SYMPK: variants seen among roughly 807,000 people sequenced by gnomAD.
The protein encoded by SYMPK is symplekin.
A neutral mutation model predicts 136.4 loss-of-function variants in SYMPK; 49 were observed. The ratio of observed to expected loss-of-function variants is 0.36; its 90% CI spans 0.29 to 0.46. The LOEUF (loss-of-function observed/expected upper bound fraction) is 0.46, where lower values mean the gene tolerates loss of function less well. Ranked by LOEUF, SYMPK falls within the 20% of genes least tolerant of loss-of-function variation. The probability of loss-of-function intolerance (pLI) is 1.00; values close to 1 mark genes in which losing one functional copy is unlikely to be tolerated. For missense variants in SYMPK, 1,365 were observed against 1,690.0 expected (o/e 0.81, Z 3.37); for synonymous variants, 766 against 713.0 (o/e 1.07, Z -1.19).
At chr19:45,827,646 C>T (rs749634692) in intron 15 of SYMPK, 23 bp from the exon 16 acceptor site, 36 of 1,601,444 alleles carry the variant, frequency 2.2e-5, no homozygotes, top group African/African-American at 9.4e-5. Context: ...GAAAGGGACC[C>T]GAGCTCAGCC....
intron 1 of SYMPK, chr19:45,854,974 T>C (rs1971786878): frequency 6.3e-6 from 1 of 157,944 alleles, no homozygotes; most frequent in Admixed American, 6.1e-5. Context: ...GCCTCCCAGG[T>C]TCAAGTGATT....
Position 45,823,803 on chromosome 19 carries a change from G to A in SYMPK, c.2563C>T (p.Leu855=). The change falls in exon 19 of 27, where the codon CTG becomes TTG. Residue 855 remains leucine (L), a synonymous_variant. Transcript: ENST00000245934. ...VENCPKGAET[L]VTRCLHSLTD... Reference sequence around the variant, plus strand: ...AGGCTGTGCAGACATCTCGTGACCAGTGTCTCTGCTCCCTTGGGACAATTT... The same window carrying A: ...AGGCTGTGCAGACATCTCGTGACCAATGTCTCTGCTCCCTTGGGACAATTT... The A allele has an allele frequency of 6.2e-7, 1 of 1,614,134 alleles. No individual in the cohort carries two copies. The highest frequency in any genetic ancestry group is 8.5e-7 in the Non-Finnish European group (1 of 1,180,014).
chr19:45,830,334 T>C, intron 12 of SYMPK, 130 bp from the exon 13 acceptor site: 1 of 1,064,358 alleles, frequency 9.4e-7, no homozygotes, highest in Non-Finnish European at 1.3e-6. Context: ...CCTCTCCAGT[T>C]CCTCTGTGTC....
At chr19:45,835,431 G>A (rs570688520) in intron 10 of SYMPK, among the ~76,000 whole-genome samples, 1 of 152,334 alleles carries the variant, frequency 6.6e-6, no homozygotes, top group Non-Finnish European at 1.5e-5. Context: ...GAAGGGCACT[G>A]TGAGCCACAG....
chr19:45,825,040 C>G, intron 18 of SYMPK, 131 bp downstream of exon 18: 1 of 1,152,576 alleles, frequency 8.7e-7, no homozygotes, highest in Non-Finnish European at 1.2e-6. Flanking sequence ...GCTACACAGC[C>G]TGGGTCGGCC....
At chr19:45,859,322 G>A (rs1971906767) in intron 1 of SYMPK, among the ~76,000 whole-genome samples, 1 of 151,192 alleles carries the variant, frequency 6.6e-6, no homozygotes, top group South Asian at 2.1e-4. Context: ...AAAGGGCATG[G>A]TGTGGTGGCT....
intron 21 of SYMPK, 93 bp downstream of exon 21, chr19:45,822,663 C>T (rs1339035685): frequency 3.8e-6 from 4 of 1,042,174 alleles, no homozygotes; most frequent in Non-Finnish European, 5.9e-6. Flanking sequence ...AGGATGTGCC[C>T]TCTCTCCCTG....
chr19:45,854,020 T>C lies in SYMPK; in HGVS notation c.171+155A>G, dbSNP rs16980066. Among the ~76,000 whole-genome samples, 1,812 of 152,276 alleles carry C rather than the reference T, an allele frequency of 0.012. 212 individuals are homozygous for C. The East Asian group carries it at 0.28, about 24-fold the overall frequency. ...ACTACCCTGCCTTACAGAGCTTTCA[T>C]GAGAACTAGAAGAGCAGAGGCCTGC... On this transcript the variant is annotated intron_variant, in intron 3 of 26. Transcript: ENST00000245934.
At chr19:45,833,008 G>C (rs1971220855) in intron 11 of SYMPK, among the ~76,000 whole-genome samples, 2 of 140,038 alleles carry the variant, frequency 1.4e-5, no homozygotes, top group African/African-American at 5.3e-5. Context: ...GACAGAGTAG[G>C]ACTCCATCTC....
chr19:45,862,988 C>G (rs1972012100), intron 1 of SYMPK, 70 bp downstream of exon 1: 3 of 398,508 alleles, frequency 7.5e-6, no homozygotes, highest in Non-Finnish European at 4.4e-6. Flanking sequence ...ATGCCCTCCC[C>G]GCCCGAGCCC....
intron 10 of SYMPK, among the ~76,000 whole-genome samples, chr19:45,836,057 G>A (rs961857497): frequency 6.6e-6 from 1 of 152,062 alleles, no homozygotes; most frequent in Non-Finnish European, 1.5e-5. Flanking sequence ...TCAGGAATTA[G>A]TAACAAAAGA....
chr19:45,835,287 C>G, intron 10 of SYMPK, 59 bp from the exon 11 acceptor site: 1 of 1,491,296 alleles, frequency 6.7e-7, no homozygotes, highest in South Asian at 1.4e-5. Context: ...AGCATTCTTT[C>G]CATGCCCATG....
At chr19:45,847,546 G>T (rs1016376395) in intron 7 of SYMPK, among the ~76,000 whole-genome samples, 1 of 152,142 alleles carries the variant, frequency 6.6e-6, no homozygotes, top group Non-Finnish European at 1.5e-5. Flanking sequence ...AAAAGAAAAT[G>T]AAGTACAGAG....
In SYMPK at chr19:45,834,150, T is replaced by C. The variant is rs536834232; in HGVS notation, c.1393+928A>G. Among the ~76,000 whole-genome samples, 5 of 152,124 alleles carry C rather than the reference T, an allele frequency of 3.3e-5. No homozygotes were observed. In the East Asian group the frequency reaches 9.7e-4, roughly 29 times the overall value. Reference sequence around the variant, plus strand: ...AAAAATACAAAAAATTAGCCGGGCGTGGTGGCAGGCGCCTGTAGTCCCAGC... The same window carrying C: ...AAAAATACAAAAAATTAGCCGGGCGCGGTGGCAGGCGCCTGTAGTCCCAGC... On this transcript the variant is annotated intron_variant, in intron 11 of 26. Transcript: ENST00000245934.
At chr19:45,849,401 TAACCCCAGCA>T in intron 5 of SYMPK, among the ~76,000 whole-genome samples, 1 of 152,118 alleles carries the variant, frequency 6.6e-6, no homozygotes, top group East Asian at 1.9e-4. Context: ...AGCTTGGCAA[TAACCCCAGCA>T]GGGTCATTTT....
rs1398183193 is a variant in SYMPK at position 45,854,246 on chromosome 19, A to G, written c.106-6T>C. The stretch of plus-strand genomic sequence containing the variant: ...TGGTTCAGAAGATCCACCACCTGGA[A>G]GGAGGGGGAGTGGCAGGGGATAGTG... On this transcript the variant is annotated splice_polypyrimidine_tract_variant and splice_region_variant and intron_variant, in intron 2 of 26. Coordinates refer to ENST00000245934, the MANE Select transcript of SYMPK (RefSeq NM_004819.3). 2 of 1,614,066 alleles carry G rather than the reference A, an allele frequency of 1.2e-6. No homozygotes were observed. The highest frequency in any genetic ancestry group is 2.2e-5 in the South Asian group (2 of 91,078).
intron 11 of SYMPK, among the ~76,000 whole-genome samples, chr19:45,832,959 C>T (rs1471560382): frequency 6.7e-6 from 1 of 148,502 alleles, no homozygotes; most frequent in Non-Finnish European, 1.5e-5. Context: ...GCAGAAGTTG[C>T]GGTGAGCCGA....
chr19:45,842,693 A>G lies in SYMPK; in HGVS notation c.848-204T>C, dbSNP rs1021753311. 6.4e-4 allele frequency: 397 copies of G among 624,118 alleles called. 5 individuals carry two copies. In the East Asian group the frequency reaches 0.011, roughly 18 times the overall value. The allele number at this position is 624,118 out of a possible 1,614,324, so 38.7% of individuals were successfully genotyped here. On this transcript the variant is annotated intron_variant, in intron 8 of 26. Coordinates refer to ENST00000245934, the MANE Select transcript of SYMPK (RefSeq NM_004819.3). ...GTCTCCATCAGTATCAGTCAATCTT[A>G]AAGAGAAAAACTCACCCTCTCTTTT...
intron 15 of SYMPK, 67 bp from the exon 16 acceptor site, chr19:45,827,690 GC>G: frequency 6.6e-7 from 1 of 1,522,752 alleles, no homozygotes. Flanking sequence ...TGTCTTTCCT[GC>G]CTGCCTCTGA....
Sources: gnomAD v4.1 joint callset for allele counts (sites outside exome capture counted in the v4.1 genomes callset) on GRCh38, gnomAD v4.1.1 for gene constraint, MANE v1.5 for transcripts, NCBI Gene and HGNC (gene_info 2026-07-23, HGNC 2026-07-21) for gene names.